SUGT1: variants seen among roughly 807,000 people sequenced by gnomAD.
SUGT1 encodes the protein protein SGT1 homolog.
Under a neutral mutation model 56.1 loss-of-function variants are expected in SUGT1, and 15 were observed. The ratio of observed to expected loss-of-function variants is 0.27; its 90% CI spans 0.18 to 0.41. The LOEUF is 0.41. Ranked by LOEUF, SUGT1 falls within the 10% of genes least tolerant of loss-of-function variation. The pLI, the probability that SUGT1 is intolerant of heterozygous loss-of-function variation, is 1.00. For synonymous variants in SUGT1, 123 were observed against 128.6 expected (o/e 0.96, Z 0.30); for missense variants, 347 against 382.2 (o/e 0.91, Z 0.77).
intron 2 of SUGT1, among the ~76,000 whole-genome samples, chr13:52,656,886 G>T (rs1962189039): frequency 6.6e-6 from 1 of 152,128 alleles, no homozygotes; most frequent in South Asian, 2.1e-4. Flanking sequence ...TATTTTTCCA[G>T]CTACCACACC....
Position 52,676,317 on chromosome 13 carries a change from G to T in SUGT1, c.715G>T (p.Ala239Ser). 6.2e-7 allele frequency: 1 copy of T among 1,610,788 alleles called. No homozygotes were observed. Among genetic ancestry groups the T allele is most frequent in the African/African-American group, 1.3e-5 (1 of 74,894 alleles). Residue 239 changes from alanine to serine, a missense_variant, in exon 11 of 13, where the codon GCA (alanine) becomes TCA (serine). Coordinates refer to ENST00000310528, the MANE Select transcript of SUGT1 (RefSeq NM_006704.5). ...GDVPTPKQFV[A>S]DVKNLYPSSS... is the part of the protein sequence containing the mutation. ...TGTGCCTACGCCAAAACAATTCGTA[G>T]CAGGTTTGTTTTCTGGCCTTGATGA...
In SUGT1 at chr13:52,688,045, A is replaced by C. The variant is rs368594374; in HGVS notation, c.*210A>C. On this transcript the variant is annotated 3_prime_UTR_variant, in exon 13 of 13. Coordinates refer to ENST00000310528, the MANE Select transcript of SUGT1 (RefSeq NM_006704.5). ...TATCACTTCTGTCCTTAAAGGTTTC[A>C]GACATGGTGAAACTGAATAAAGCAT... 2.7e-5 allele frequency: 9 copies of C among 334,828 alleles called. No individual in the cohort carries two copies. Among genetic ancestry groups the C allele is most frequent in the African/African-American group, 1.7e-4 (8 of 46,492 alleles). 20.7% of individuals were successfully genotyped at this position (334,828 alleles called of 1,614,324 possible).
At chr13:52,668,583 A>G (rs1962810751) in intron 10 of SUGT1, among the ~76,000 whole-genome samples, 1 of 152,196 alleles carries the variant, frequency 6.6e-6, no homozygotes, top group Non-Finnish European at 1.5e-5. Flanking sequence ...GACAATAGAA[A>G]GTGAGGAAAG....
At chr13:52,677,598 T>C (rs7996692) in intron 11 of SUGT1, among the ~76,000 whole-genome samples, 145,663 of 152,246 alleles carry the variant, frequency 0.96, 69,700 homozygotes, top group East Asian at 0.99. Flanking sequence ...AGCCCCTTAG[T>C]ATTCCTCCCA....
chr13:52,681,875 T>G (rs1963390126), intron 12 of SUGT1, among the ~76,000 whole-genome samples: 1 of 151,588 alleles, frequency 6.6e-6, no homozygotes, highest in African/African-American at 2.4e-5. Flanking sequence ...TAGAACATTT[T>G]CATGGATTCC....
intron 12 of SUGT1, among the ~76,000 whole-genome samples, chr13:52,681,994 C>T (rs1963396542): frequency 8.7e-6 from 1 of 115,106 alleles, no homozygotes; most frequent in Admixed American, 1.3e-4. Context: ...GTAGTTTACA[C>T]ATATTTTCTC....
intron 5 of SUGT1, among the ~76,000 whole-genome samples, chr13:52,660,050 C>T (rs556594756): frequency 2.0e-5 from 3 of 151,356 alleles, no homozygotes; most frequent in Non-Finnish European, 2.9e-5. Context: ...AGGATGGTCT[C>T]AATCTCCTGA....
chr13:52,671,508 CTATGAAT>C (rs1962935482), intron 10 of SUGT1, among the ~76,000 whole-genome samples: 1 of 152,108 alleles, frequency 6.6e-6, no homozygotes, highest in South Asian at 2.1e-4. Context: ...AGGCACTGTA[CTATGAAT>C]TATCTCATGT....
Position 52,699,267 on chromosome 13 carries a change from T to G in SUGT1, c.*11432T>G, listed in dbSNP as rs1161289415. On this transcript the variant is annotated 3_prime_UTR_variant, in exon 13 of 13. Coordinates refer to ENST00000310528, the MANE Select transcript of SUGT1 (RefSeq NM_006704.5). ...TATGACAGCACATGATGAAAGAAAA[T>G]CAAATGTTTGTTTCAATCAAAGTGA... is the stretch of plus-strand genomic sequence containing the variant. The G allele has an allele frequency of 6.6e-6, 1 of 152,126 alleles. No individual in the cohort carries two copies. Among genetic ancestry groups the G allele is most frequent in the Non-Finnish European group, 1.5e-5 (1 of 68,020 alleles). 9.4% of individuals were successfully genotyped at this position (152,126 alleles called of 1,614,324 possible). A position where few individuals can be genotyped will look rare whatever the true frequency, so the allele number is the denominator to read the frequency against.
chr13:52,693,485 G>T lies in SUGT1; in HGVS notation c.*5650G>T, dbSNP rs1372877963. ...GTACATGAAAAGACAGTATTGCATAGTGGTTAAATGCATGGACTCTGAAGC... is the reference window on the plus strand; with the variant it reads ...GTACATGAAAAGACAGTATTGCATATTGGTTAAATGCATGGACTCTGAAGC... On this transcript the variant is annotated 3_prime_UTR_variant, in exon 13 of 13. Coordinates refer to ENST00000310528, the MANE Select transcript of SUGT1 (RefSeq NM_006704.5). The T allele has an allele frequency of 2.0e-5, 3 of 152,182 alleles. No individual in the cohort carries two copies. Among genetic ancestry groups the T allele is most frequent in the African/African-American group, 7.2e-5 (3 of 41,434 alleles). The allele number at this position is 152,182 out of a possible 1,614,324, so 9.4% of individuals were successfully genotyped here.
chr13:52,653,568 A>G lies in SUGT1; in HGVS notation c.96+465A>G, dbSNP rs1962020074. ...CTTTCCAGATGTCTTATCACAATTCATTATTCACTCATTTGTATATTCATC... is the reference window on the plus strand; with the variant it reads ...CTTTCCAGATGTCTTATCACAATTCGTTATTCACTCATTTGTATATTCATC... On this transcript the variant is annotated intron_variant, in intron 2 of 12. Transcript: ENST00000310528. 2.0e-5 allele frequency among the ~76,000 whole-genome samples: 3 copies of G among 152,232 alleles called. No homozygotes were observed. The East Asian group carries it at 5.8e-4, about 29-fold the overall frequency.
In SUGT1 at chr13:52,679,965, AC is replaced by A; in HGVS notation, c.719-8del. The A allele has an allele frequency of 1.9e-6, 3 of 1,570,162 alleles. No individual in the cohort carries two copies. The highest frequency in any genetic ancestry group is 2.6e-6 in the Non-Finnish European group (3 of 1,167,288). On this transcript the variant is annotated splice_polypyrimidine_tract_variant and splice_region_variant and intron_variant, in intron 11 of 12. Transcript: ENST00000310528. ...TGATTAATTACTTCTGCCTTTTTTTACTTCATAGATGTAAAGAACCTATATC... is the reference window on the plus strand; with the variant it reads ...TGATTAATTACTTCTGCCTTTTTTTATTCATAGATGTAAAGAACCTATATC...
In SUGT1 at chr13:52,665,668, G is replaced by A. The variant is rs1387853897; in HGVS notation, c.454G>A (p.Val152Ile). ...YDWYQTESQV[V>I]ITLMIKNVQK... ...CTGGTATCAAACAGAATCTCAAGTAGTCATTACACTTATGATCAAGAATGT... is the reference window on the plus strand; with the variant it reads ...CTGGTATCAAACAGAATCTCAAGTAATCATTACACTTATGATCAAGAATGT... Residue 152 changes from valine to isoleucine, a missense_variant, in exon 9 of 13, where the codon GTC becomes ATC. Val to Ile is a conservative substitution (Grantham distance 29). Transcript: ENST00000310528. 7 of 1,603,448 alleles carry A rather than the reference G, an allele frequency of 4.4e-6. No homozygotes were observed. Among genetic ancestry groups the A allele is most frequent in the Non-Finnish European group, 5.9e-6 (7 of 1,176,672 alleles).
intron 2 of SUGT1, among the ~76,000 whole-genome samples, chr13:52,653,734 A>G (rs1962029676): frequency 6.6e-6 from 1 of 152,220 alleles, no homozygotes; most frequent in Admixed American, 6.5e-5. Context: ...AGGAATGTAA[A>G]AGATCAAGAG....
rs913033284 is a variant in SUGT1, at chr13:52,687,900, C to A, written c.*65C>A. ...TAATGCCCATTGTGTATTGATATTG[C>A]ATTCTTGAATTTTGAACACTGAATA... On this transcript the variant is annotated 3_prime_UTR_variant, in exon 13 of 13. Transcript: ENST00000310528. 3.9e-6 allele frequency: 4 copies of A among 1,038,348 alleles called. No individual in the cohort carries two copies. In the African/African-American group the frequency reaches 4.9e-5, roughly 13 times the overall value. 64.3% of individuals were successfully genotyped at this position (1,038,348 alleles called of 1,614,324 possible). A position where few individuals can be genotyped will look rare whatever the true frequency, so the allele number is the denominator to read the frequency against.
chr13:52,684,006 C>T (rs957576497), intron 12 of SUGT1, among the ~76,000 whole-genome samples: 2 of 152,100 alleles, frequency 1.3e-5, no homozygotes, highest in African/African-American at 4.8e-5. Context: ...TCAGCCTCTC[C>T]AGTAGCTGGG....
intron 2 of SUGT1, among the ~76,000 whole-genome samples, chr13:52,655,612 G>A (rs766423716): frequency 2.0e-5 from 3 of 152,138 alleles, no homozygotes; most frequent in African/African-American, 7.2e-5. Context: ...ACTTGGTGAC[G>A]ATTAGAATAT....
chr13:52,670,634 C>T (rs1430315485), intron 10 of SUGT1, among the ~76,000 whole-genome samples: 1 of 152,144 alleles, frequency 6.6e-6, no homozygotes, highest in Admixed American at 6.5e-5. Context: ...TGGTGAAAAC[C>T]TGTCTCTACT....
Position 52,653,076 on chromosome 13 carries a change from C to A in SUGT1, c.69C>A (p.Ile23=). 1.2e-6 allele frequency: 2 copies of A among 1,614,132 alleles called. No individual in the cohort carries two copies. Among genetic ancestry groups the A allele is most frequent in the Non-Finnish European group, 1.7e-6 (2 of 1,180,026 alleles). ...TCCAGAGCTTCTCGGATGCCCTAAT[C>A]GACGAGGACCCCCAGGCGGCGTTAG... ...RFFQSFSDAL[I]DEDPQAALEE... is the part of the protein sequence containing the mutation. The change falls in exon 2 of 13, where the codon ATC becomes ATA. Residue 23 remains isoleucine, a synonymous_variant. Coordinates refer to ENST00000310528, the MANE Select transcript of SUGT1 (RefSeq NM_006704.5).
Sources: allele counts gnomAD v4.1 joint callset (sites outside exome capture counted in the v4.1 genomes callset), GRCh38; gene constraint gnomAD v4.1.1; transcripts MANE v1.5; gene names NCBI Gene and HGNC (gene_info 2026-07-23, HGNC 2026-07-21).